FBN1: variants seen among roughly 807,000 people sequenced by gnomAD.
FBN1 encodes fibrillin 1.
Under a neutral mutation model 365.1 loss-of-function variants are expected in FBN1, and 29 were observed. The observed-to-expected ratio is 0.08, with a 90% CI of 0.06 to 0.11. The LOEUF (loss-of-function observed/expected upper bound fraction) is 0.11, where lower values mean the gene tolerates loss of function less well. FBN1 is among the 10% of genes least tolerant of loss of function. FBN1 has a pLI of 1.00. For missense variants in FBN1, 2,476 were observed against 3,703.2 expected (o/e 0.67, Z 8.60); for synonymous variants, 1,210 against 1,270.5 (o/e 0.95, Z 1.01).
At chr15:48,412,524 CT>C (rs1420924680) in intron 65 of FBN1, 44 bp downstream of exon 65, 1 of 1,604,198 alleles carries the variant, frequency 6.2e-7, no homozygotes, top group Non-Finnish European at 8.5e-7. Flanking sequence ...TCTGGAAGGG[CT>C]TTCCACCACA....
At chr15:48,607,634 C>T (rs1190195292) in intron 4 of FBN1, among the ~76,000 whole-genome samples, 1 of 151,824 alleles carries the variant, frequency 6.6e-6, no homozygotes, top group East Asian at 1.9e-4. Flanking sequence ...AATCTGCTGG[C>T]CTCTTGATCT....
chr15:48,599,288 C>T (rs943474698), intron 5 of FBN1, among the ~76,000 whole-genome samples: 7 of 152,078 alleles, frequency 4.6e-5, no homozygotes, highest in Non-Finnish European at 7.4e-5. Context: ...AACAGTCAAA[C>T]ATCCAGGTAA....
At chr15:48,592,260 C>T (rs1044552353) in intron 6 of FBN1, among the ~76,000 whole-genome samples, 1 of 152,078 alleles carries the variant, frequency 6.6e-6, no homozygotes, top group Non-Finnish European at 1.5e-5. Context: ...CATCATCACA[C>T]CCCACCCCCA....
chr15:48,408,657 T>A lies in FBN1; in HGVS notation c.*2333A>T, dbSNP rs2042837071. ...AAGGTACAGGTTTAAATCTCAGGAT[T>A]AAAAAGAGTTCCAACAAGAGGAATA... On this transcript the variant is annotated 3_prime_UTR_variant, in exon 66 of 66. Coordinates refer to ENST00000316623, the MANE Select transcript of FBN1 (RefSeq NM_000138.5). The A allele has an allele frequency of 6.6e-6, 1 of 152,624 alleles. No individual in the cohort carries two copies. The highest frequency in any genetic ancestry group is 2.4e-5 in the African/African-American group (1 of 41,452). 9.5% of individuals were successfully genotyped at this position (152,624 alleles called of 1,614,324 possible).
intron 63 of FBN1, among the ~76,000 whole-genome samples, chr15:48,419,250 G>A (rs1218538508): frequency 2.0e-5 from 3 of 152,102 alleles, no homozygotes; most frequent in Non-Finnish European, 2.9e-5. Context: ...TGATCTTCAC[G>A]AGACCAGAGC....
intron 6 of FBN1, among the ~76,000 whole-genome samples, chr15:48,560,869 CCT>C (rs1028138519): frequency 6.6e-6 from 1 of 152,116 alleles, no homozygotes; most frequent in Non-Finnish European, 1.5e-5. Flanking sequence ...ATGTCCCACC[CCT>C]GTGTGACCCT....
intron 47 of FBN1, 83 bp downstream of exon 47, chr15:48,446,623 C>G: frequency 1.2e-6 from 1 of 854,310 alleles, no homozygotes. Context: ...TAAAAGACAG[C>G]TGGAACACTA....
rs760474361 is a variant in FBN1 at position 48,510,034 on chromosome 15, C to T, written c.1714+10G>A. On this transcript the variant is annotated intron_variant, in intron 14 of 65. Coordinates refer to ENST00000316623, the MANE Select transcript of FBN1 (RefSeq NM_000138.5). ...GAAGGAGAGGACTAACATTAGTATA[C>T]TATTATTACCTTCACAGTTCTTCCC... is the stretch of plus-strand genomic sequence containing the variant. The T allele has an allele frequency of 6.2e-6, 10 of 1,612,648 alleles. No homozygotes were observed. In the East Asian group the frequency reaches 2.2e-4, roughly 36 times the overall value.
chr15:48,637,707 T>C (rs1258993557), intron 2 of FBN1, among the ~76,000 whole-genome samples: 3 of 152,198 alleles, frequency 2.0e-5, no homozygotes, highest in Non-Finnish European at 4.4e-5. Context: ...AACTATTCTA[T>C]TGAACATGTG....
chr15:48,421,476 CTGA>C, intron 62 of FBN1, 79 bp downstream of exon 62: 2 of 1,531,542 alleles, frequency 1.3e-6, no homozygotes, highest in Non-Finnish European at 1.8e-6. Flanking sequence ...CTCATAGAGG[CTGA>C]TGATGAAGGT....
intron 16 of FBN1, among the ~76,000 whole-genome samples, chr15:48,504,562 T>C (rs1322267562): frequency 1.3e-5 from 2 of 152,164 alleles, no homozygotes; most frequent in Non-Finnish European, 2.9e-5. Flanking sequence ...CTGGATAAAA[T>C]TGGTATCAAT....
chr15:48,495,836 A>G (rs560703667), intron 20 of FBN1, among the ~76,000 whole-genome samples: 1 of 152,344 alleles, frequency 6.6e-6, no homozygotes, highest in South Asian at 2.1e-4. Flanking sequence ...GTAAATGTGT[A>G]TGTGATTTCT....
At chr15:48,496,371 T>A in intron 19 of FBN1, 146 bp from the exon 20 acceptor site, 2 of 945,362 alleles carry the variant, frequency 2.1e-6, no homozygotes, top group Non-Finnish European at 3.2e-6. Context: ...AGCTTTTACC[T>A]AAACTATCTC....
intron 17 of FBN1, among the ~76,000 whole-genome samples, chr15:48,502,326 G>A (rs908478261): frequency 1.1e-4 from 16 of 152,222 alleles, no homozygotes; most frequent in African/African-American, 3.9e-4. Context: ...GATTACAGGT[G>A]TGAGGCACCA....
intron 10 of FBN1, among the ~76,000 whole-genome samples, chr15:48,517,641 A>T (rs940820920): frequency 2.6e-5 from 4 of 152,126 alleles, no homozygotes; most frequent in African/African-American, 9.7e-5. Context: ...GTTTCCAAGG[A>T]TGTATTTATT....
chr15:48,547,729 A>T (rs1339013693), intron 6 of FBN1, among the ~76,000 whole-genome samples: 4 of 61,732 alleles, frequency 6.5e-5, no homozygotes, highest in East Asian at 7.4e-4. Context: ...TTTCACACAC[A>T]CACACACACA....
At chr15:48,432,125 C>T (rs544984689) in intron 55 of FBN1, among the ~76,000 whole-genome samples, 2 of 151,942 alleles carry the variant, frequency 1.3e-5, no homozygotes, top group African/African-American at 4.8e-5. Flanking sequence ...TCCTATTGTA[C>T]TTCTTTATTT....
chr15:48,584,891 A>G (rs983025976), intron 6 of FBN1, among the ~76,000 whole-genome samples: 4 of 152,232 alleles, frequency 2.6e-5, no homozygotes, highest in African/African-American at 9.6e-5. Context: ...TAGTAGAACA[A>G]GAAAGTTCCA....
chr15:48,434,385 G>T (rs1182717287), intron 54 of FBN1, among the ~76,000 whole-genome samples: 1 of 150,394 alleles, frequency 6.6e-6, no homozygotes, highest in African/African-American at 2.5e-5. Context: ...GTGTAGATGT[G>T]CCATGAACAC....
Sources: allele counts gnomAD v4.1 joint callset (sites outside exome capture counted in the v4.1 genomes callset), GRCh38; gene constraint gnomAD v4.1.1; transcripts MANE v1.5; gene names NCBI Gene and HGNC (gene_info 2026-07-23, HGNC 2026-07-21).